Variants in MECOM observed in about 807,000 individuals in gnomAD.
MECOM encodes histone-lysine N-methyltransferase MECOM.
Under a neutral mutation model 116.3 loss-of-function variants are expected in MECOM, and 13 were observed. The observed-to-expected ratio is 0.11, with a 90% CI of 0.07 to 0.18. The LOEUF (loss-of-function observed/expected upper bound fraction) is 0.18, where lower values mean the gene tolerates loss of function less well. Among genes scored for constraint, MECOM ranks in the 10% least tolerant of loss-of-function variants. MECOM has a pLI of 1.00. For synonymous variants in MECOM, 528 were observed against 535.2 expected (o/e 0.99, Z 0.19); for missense variants, 1,299 against 1,509.0 (o/e 0.86, Z 2.31).
intron 2 of MECOM, among the ~76,000 whole-genome samples, chr3:169,356,909 A>G (rs1385448793): frequency 1.3e-5 from 2 of 151,928 alleles, no homozygotes; most frequent in Admixed American, 6.6e-5. Context: ...GTTGCATCAA[A>G]TTATCTATAA....
intron 2 of MECOM, among the ~76,000 whole-genome samples, chr3:169,205,518 C>T (rs545550507): frequency 2.6e-5 from 4 of 152,180 alleles, no homozygotes; most frequent in East Asian, 1.9e-4. Flanking sequence ...GACATAACAC[C>T]GGGATCCCCT....
chr3:169,533,234 T>C (rs1758873839), intron 1 of MECOM, among the ~76,000 whole-genome samples: 1 of 152,170 alleles, frequency 6.6e-6, no homozygotes, highest in Non-Finnish European at 1.5e-5. Context: ...TATAGATATA[T>C]ATCAGACCCC....
chr3:169,590,258 C>T (rs1348307150), intron 1 of MECOM, among the ~76,000 whole-genome samples: 1 of 152,142 alleles, frequency 6.6e-6, no homozygotes, highest in African/African-American at 2.4e-5. Flanking sequence ...AGTTGGGAAG[C>T]CTGCTCTTAT....
intron 2 of MECOM, among the ~76,000 whole-genome samples, chr3:169,297,936 A>G (rs1361220558): frequency 6.6e-5 from 10 of 152,218 alleles, no homozygotes. Context: ...GCCTAACATG[A>G]CAAAAGGAGA....
chr3:169,657,926 A>G (rs1349999683), intron 1 of MECOM, among the ~76,000 whole-genome samples: 2 of 152,164 alleles, frequency 1.3e-5, no homozygotes, highest in Non-Finnish European at 2.9e-5. Flanking sequence ...TCTGTGTGCA[A>G]ACTAAGGATC....
At chr3:169,387,533 G>C (rs1396641146) in intron 1 of MECOM, among the ~76,000 whole-genome samples, 2 of 152,130 alleles carry the variant, frequency 1.3e-5, no homozygotes, top group African/African-American at 2.4e-5. Context: ...ATAGTAACAT[G>C]AATAATTTTT....
At chr3:169,182,580 T>C (rs760052034) in intron 2 of MECOM, among the ~76,000 whole-genome samples, 11 of 152,216 alleles carry the variant, frequency 7.2e-5, no homozygotes, top group Non-Finnish European at 1.6e-4. Flanking sequence ...TTAATTTTGG[T>C]GGCACAGAGA....
Position 169,457,701 on chromosome 3 carries a change from T to G in MECOM, c.38-76177A>C, listed in dbSNP as rs140722421. 5.9e-5 allele frequency among the ~76,000 whole-genome samples: 9 copies of G among 152,344 alleles called. No individual in the cohort carries two copies. In the East Asian group the frequency reaches 1.7e-3, roughly 29 times the overall value. ...AATAATAGATATTCCCAATTATTAC[T>G]AAAAATGTCACCTCTGAAATATGAG... On this transcript the variant is annotated intron_variant, in intron 1 of 16. Coordinates refer to ENST00000651503, the MANE Select transcript of MECOM (RefSeq NM_004991.4).
chr3:169,169,187 G>T (rs947116336), intron 2 of MECOM, among the ~76,000 whole-genome samples: 2 of 151,982 alleles, frequency 1.3e-5, no homozygotes, highest in African/African-American at 4.8e-5. Context: ...TGTTTTCTAC[G>T]TTATCATTTA....
At chr3:169,274,872 G>A (rs1245634427) in intron 2 of MECOM, among the ~76,000 whole-genome samples, 1 of 152,150 alleles carries the variant, frequency 6.6e-6, no homozygotes. Flanking sequence ...GAGCTTAATA[G>A]ACTTTGAAGT....
At chr3:169,606,284 A>G (rs1335985000) in intron 1 of MECOM, among the ~76,000 whole-genome samples, 1 of 151,910 alleles carries the variant, frequency 6.6e-6, no homozygotes, top group Non-Finnish European at 1.5e-5. Flanking sequence ...GTGGTGGTGC[A>G]TGCTTGTAAT....
At chr3:169,536,973 G>C (rs1170094145) in intron 1 of MECOM, among the ~76,000 whole-genome samples, 1 of 152,072 alleles carries the variant, frequency 6.6e-6, no homozygotes, top group African/African-American at 2.4e-5. Flanking sequence ...GTTGTTGCTA[G>C]CACCCAAGGC....
chr3:169,122,717 G>C lies in MECOM; in HGVS notation c.841C>G (p.His281Asp), dbSNP rs1017735656. Residue 281 changes from histidine to aspartate, a missense_variant, in exon 6 of 17, where the codon CAC (histidine) becomes GAC (aspartate). Physicochemically the swap from His to Asp is moderately conservative, Grantham distance 81. Coordinates refer to ENST00000651503, the MANE Select transcript of MECOM (RefSeq NM_004991.4). The part of the protein sequence containing the change: ...VFPDLQSLEK[H>D]MLSHTEEREY... ...CTCTCTTCAGTATGTGACAGCATGT[G>C]TTTCTCCAGGCTGTTAAGAGAACAA... 1 of 1,613,760 alleles carries C rather than the reference G, an allele frequency of 6.2e-7. No individual in the cohort carries two copies. The highest frequency in any genetic ancestry group is 8.5e-7 in the Non-Finnish European group (1 of 1,179,728).
chr3:169,139,890 T>A (rs1350652192), intron 3 of MECOM, among the ~76,000 whole-genome samples: 1 of 151,424 alleles, frequency 6.6e-6, no homozygotes, highest in African/African-American at 2.4e-5. Context: ...TGTCCACCAA[T>A]CAAAATGGTT....
intron 1 of MECOM, among the ~76,000 whole-genome samples, chr3:169,508,285 A>T (rs1755542981): frequency 6.6e-6 from 1 of 152,276 alleles, no homozygotes; most frequent in Non-Finnish European, 1.5e-5. Context: ...ATCACTGAGC[A>T]TGTGCCATTA....
chr3:169,555,965 A>T (rs1340779875), intron 1 of MECOM, among the ~76,000 whole-genome samples: 1 of 152,184 alleles, frequency 6.6e-6, no homozygotes, highest in Non-Finnish European at 1.5e-5. Context: ...AGTGGTCTAA[A>T]CCTTATGTAC....
intron 1 of MECOM, among the ~76,000 whole-genome samples, chr3:169,597,602 A>G (rs1767294438): frequency 6.6e-6 from 1 of 152,234 alleles, no homozygotes; most frequent in African/African-American, 2.4e-5. Context: ...CAAAAAATAT[A>G]ATAAGCAGAT....
At chr3:169,234,795 A>G (rs1279034538) in intron 2 of MECOM, among the ~76,000 whole-genome samples, 1 of 152,160 alleles carries the variant, frequency 6.6e-6, no homozygotes, top group African/African-American at 2.4e-5. Flanking sequence ...TTTTTTGACA[A>G]TACCATCTAT....
intron 1 of MECOM, among the ~76,000 whole-genome samples, chr3:169,485,842 T>G (rs1752073358): frequency 1.4e-5 from 2 of 142,640 alleles, no homozygotes; most frequent in Non-Finnish European, 3.0e-5. Flanking sequence ...TATATATGTG[T>G]GTGTGTGTAT....
Sources: gnomAD v4.1 joint callset for allele counts (sites outside exome capture counted in the v4.1 genomes callset) on GRCh38, gnomAD v4.1.1 for gene constraint, MANE v1.5 for transcripts, NCBI Gene and HGNC (gene_info 2026-07-23, HGNC 2026-07-21) for gene names.